SATB1: variants seen among roughly 807,000 people sequenced by gnomAD.
The protein encoded by SATB1 is SATB homeobox 1, also known as DNA-binding protein SATB1.
SATB1 carries 11 observed loss-of-function variants against 86.9 expected under a neutral mutation model. The observed-to-expected ratio is 0.13, with a 90% CI of 0.08 to 0.21. SATB1 has a LOEUF of 0.21. Ranked by LOEUF, SATB1 falls within the 10% of genes least tolerant of loss-of-function variation. The probability of loss-of-function intolerance (pLI) is 1.00; values close to 1 mark genes in which losing one functional copy is unlikely to be tolerated. For synonymous variants in SATB1, 357 were observed against 357.2 expected, an observed-to-expected ratio of 1.00 and a Z score of 0.01; for missense variants, 551 against 937.6, an observed-to-expected ratio of 0.59 and a Z score of 5.39.
At position 18,349,091 on chromosome 3, in the gene SATB1, T is replaced by C; in HGVS notation, c.*79A>G. ...GCCAAACAATGAACAACAAAGGTTT[T>C]CTGAGAGAAGACAAGGTGGACTTTT... On this transcript the variant is annotated 3_prime_UTR_variant, in exon 11 of 11. Coordinates refer to ENST00000338745, the MANE Select transcript of SATB1 (RefSeq NM_002971.6). This position sits in a 1 kb window ranked among gnomAD's most constrained non-coding sequence, Gnocchi z 5.5. The C allele has an allele frequency of 6.5e-7, 1 of 1,534,964 alleles. No homozygotes were observed. Among genetic ancestry groups the C allele is most frequent in the East Asian group, 2.3e-5 (1 of 44,420 alleles).
At chr3:18,423,510 A>G (rs1200024541) in intron 1 of SATB1, 117 bp downstream of exon 1, 1 of 152,152 alleles carries the variant, frequency 6.6e-6, no homozygotes, top group African/African-American at 2.4e-5. Flanking sequence ...GGCCGGCACG[A>G]TCCAGGCCAA....
At chr3:18,415,927 G>T (rs1176342255) in intron 4 of SATB1, 80 bp downstream of exon 4, 1 of 1,358,302 alleles carries the variant, frequency 7.4e-7, no homozygotes, top group East Asian at 2.4e-5. Context: ...AAAAATTGAA[G>T]GTCGACCAGA....
At chr3:18,414,978 TG>T in intron 5 of SATB1, 132 bp downstream of exon 5, 1 of 923,782 alleles carries the variant, frequency 1.1e-6, no homozygotes, top group Non-Finnish European at 1.7e-6. Flanking sequence ...AGGTCACCAG[TG>T]GTCAAGTCAC....
At chr3:18,400,974 C>G (rs769622953) in intron 5 of SATB1, among the ~76,000 whole-genome samples, 3 of 152,162 alleles carry the variant, frequency 2.0e-5, no homozygotes, top group Non-Finnish European at 4.4e-5. Context: ...TAGAAAGCAT[C>G]AAGAAGGCAC....
chr3:18,417,354 T>C (rs1300105840), intron 2 of SATB1: 1 of 568,646 alleles, frequency 1.8e-6, no homozygotes, highest in Non-Finnish European at 3.1e-6. Flanking sequence ...AAGCAATGAA[T>C]GCAGAATTAC....
At chr3:18,426,094 G>A (rs1053011453), upstream of SATB1, among the ~76,000 whole-genome samples, 1 of 152,212 alleles carries the variant, frequency 6.6e-6, no homozygotes, top group African/African-American at 2.4e-5. This position sits in a 1 kb window ranked among gnomAD's most constrained non-coding sequence, Gnocchi z 4.2. Flanking sequence ...GGTACAGACG[G>A]AAGGCAGTTC....
intron 2 of SATB1, among the ~76,000 whole-genome samples, chr3:18,431,965 A>T (rs1413452935): frequency 6.6e-6 from 1 of 152,194 alleles, no homozygotes. Flanking sequence ...ACATTAAGTG[A>T]CTAACCACAA....
intron 4 of SATB1, 38 bp downstream of exon 4, chr3:18,415,969 G>A: frequency 1.3e-6 from 2 of 1,530,234 alleles, no homozygotes; most frequent in Non-Finnish European, 1.8e-6. Flanking sequence ...GACCAGGTAA[G>A]AAGAATGTTT....
chr3:18,348,792 A>C lies in SATB1; in HGVS notation c.*378T>G, dbSNP rs1370298893. 1 of 188,396 alleles carries C rather than the reference A, an allele frequency of 5.3e-6. No homozygotes were observed. The highest frequency in any genetic ancestry group is 1.1e-5 in the Non-Finnish European group (1 of 90,772). 11.7% of individuals were successfully genotyped at this position (188,396 alleles called of 1,614,324 possible). On this transcript the variant is annotated 3_prime_UTR_variant, in exon 11 of 11. Coordinates refer to ENST00000338745, the MANE Select transcript of SATB1 (RefSeq NM_002971.6). ...AAAGATCAGTGTGGAGTGCTACAGA[A>C]ATAATTATAGGAGAGGAAATCATAA...
intron 9 of SATB1, among the ~76,000 whole-genome samples, chr3:18,370,540 G>GAAAAAAA (rs1559407474): frequency 1.1e-5 from 1 of 88,162 alleles, no homozygotes; most frequent in African/African-American, 4.3e-5. Context: ...AAAAAAAGAG[G>GAAAAAAA]AAAAACAAAA....
chr3:18,375,329 T>G (rs1695688948), intron 9 of SATB1, among the ~76,000 whole-genome samples: 1 of 152,186 alleles, frequency 6.6e-6, no homozygotes, highest in African/African-American at 2.4e-5. Flanking sequence ...ACAGGGTTAC[T>G]AAATTAATGC....
In SATB1 at chr3:18,352,595, A is replaced by G. The variant is rs901468591; in HGVS notation, c.1576-400T>C. The G allele has an allele frequency of 2.7e-5, 5 of 183,796 alleles. No individual in the cohort carries two copies. The highest frequency in any genetic ancestry group is 5.4e-5 in the Admixed American group (1 of 18,674). 11.4% of individuals were successfully genotyped at this position (183,796 alleles called of 1,614,324 possible). The stretch of plus-strand genomic sequence containing the variant: ...CTAAGAGGCAGGACAGATTTTAGAA[A>G]TAATTTTTTTCTAAAAGGATTTCCT... On this transcript the variant is annotated intron_variant, in intron 9 of 10. Coordinates refer to ENST00000338745, the MANE Select transcript of SATB1 (RefSeq NM_002971.6). The surrounding 1 kb of genome is among the most constrained non-coding windows in gnomAD (Gnocchi z 4.1).
rs200822072 is a variant in SATB1, at chr3:18,405,942, C to A, written c.640-8652G>T. Among the ~76,000 whole-genome samples, 3 of 152,088 alleles carry A rather than the reference C, an allele frequency of 2.0e-5. No individual in the cohort carries two copies. The East Asian group carries it at 5.8e-4, about 29-fold the overall frequency. ...CAAATTAATCTGGCTTCATCTCAAT[C>A]AATATTATGAAAATCCTTCACAGTG... On this transcript the variant is annotated intron_variant, in intron 5 of 10. Coordinates refer to ENST00000338745, the MANE Select transcript of SATB1 (RefSeq NM_002971.6).
At chr3:18,351,269 C>CCT (rs773324030) in intron 10 of SATB1, 2 of 1,483,072 alleles carry the variant, frequency 1.3e-6, no homozygotes, top group African/African-American at 2.8e-5. Context: ...TAGGTCACCC[C>CCT]CTCTCTGTGT....
intron 1 of SATB1, chr3:18,445,509 C>T (rs1559473585): frequency 5.1e-6 from 5 of 985,396 alleles, no homozygotes; most frequent in Non-Finnish European, 6.0e-6. Flanking sequence ...GCCAACCCTG[C>T]CCCCTCACCT....
chr3:18,425,345 C>T, upstream of SATB1: 1 of 154,766 alleles, frequency 6.5e-6, no homozygotes, highest in Non-Finnish European at 1.4e-5. Flanking sequence ...AAAGTGGCGG[C>T]GGCGGCGGCG....
chr3:18,418,743 TCAGA>T (rs1698239998), intron 2 of SATB1, among the ~76,000 whole-genome samples: 2 of 152,076 alleles, frequency 1.3e-5, no homozygotes, highest in South Asian at 4.1e-4. Context: ...TTAGCACCTA[TCAGA>T]CAGAAACCAT....
chr3:18,376,485 T>G (rs1695761764), intron 9 of SATB1, among the ~76,000 whole-genome samples: 1 of 141,812 alleles, frequency 7.1e-6, no homozygotes, highest in Non-Finnish European at 1.5e-5. Context: ...AAATGTAGAA[T>G]AAGAAAGGCA....
chr3:18,360,742 C>T (rs1406491660), intron 9 of SATB1, among the ~76,000 whole-genome samples: 1 of 152,116 alleles, frequency 6.6e-6, no homozygotes, highest in African/African-American at 2.4e-5. Context: ...AGAATACATT[C>T]AGCCCAATGC....
Sources: allele counts gnomAD v4.1 joint callset (sites outside exome capture counted in the v4.1 genomes callset), GRCh38; gene constraint gnomAD v4.1.1; non-coding constraint Gnocchi (gnomAD v3.1); transcripts MANE v1.5; gene names NCBI Gene and HGNC (gene_info 2026-07-23, HGNC 2026-07-21).